The following ZFHX3 variants were observed in gnomAD, a reference collection of about 807,000 sequenced individuals.
ZFHX3 encodes the protein zinc finger homeobox protein 3.
ZFHX3 carries 42 observed loss-of-function variants against 279.1 expected under a neutral mutation model. That is an observed-to-expected ratio of 0.15 (90% CI 0.12 to 0.19). The LOEUF (loss-of-function observed/expected upper bound fraction) is 0.19. Ranked by LOEUF, ZFHX3 falls within the 10% of genes least tolerant of loss-of-function variation. The pLI is 1.00. For missense variants in ZFHX3, 4,981 were observed against 4,754.0 expected (o/e 1.05, Z -1.40); for synonymous variants, 2,293 against 1,957.8 (o/e 1.17, Z -4.52).
chr16:73,115,109 G>A (rs1966416407), intron 7 of ZFHX3, among the ~76,000 whole-genome samples: 1 of 152,090 alleles, frequency 6.6e-6, no homozygotes, highest in Non-Finnish European at 1.5e-5. Flanking sequence ...TGAAGTTCAG[G>A]ACCAACTGCC....
intron 4 of ZFHX3, among the ~76,000 whole-genome samples, chr16:73,289,302 G>A (rs1024524819): frequency 6.6e-6 from 1 of 152,000 alleles, no homozygotes; most frequent in African/African-American, 2.4e-5. Context: ...ATATGTGTGT[G>A]TTCCTGCTCC....
At chr16:73,513,313 A>G (rs892818949) in intron 2 of ZFHX3, among the ~76,000 whole-genome samples, 2 of 152,172 alleles carry the variant, frequency 1.3e-5, no homozygotes, top group Non-Finnish European at 2.9e-5. Context: ...GCAAACCTAT[A>G]TATCATCATA....
At chr16:73,058,207 C>G (rs1051417251) in intron 1 of ZFHX3, among the ~76,000 whole-genome samples, 2 of 144,340 alleles carry the variant, frequency 1.4e-5, no homozygotes, top group Non-Finnish European at 3.1e-5. Context: ...GCGGCGGCGG[C>G]GCGGGGCCGG....
intron 3 of ZFHX3, among the ~76,000 whole-genome samples, chr16:72,893,132 T>C (rs62053186): frequency 0.029 from 4,403 of 152,290 alleles, 89 homozygotes; most frequent in Non-Finnish European, 0.044. Context: ...ACCAAAAGAA[T>C]GATATTCATT....
chr16:73,204,753 G>A (rs1340481086), intron 5 of ZFHX3, among the ~76,000 whole-genome samples: 1 of 152,192 alleles, frequency 6.6e-6, no homozygotes, highest in African/African-American at 2.4e-5. Context: ...AGCATAAATA[G>A]CCTAGCACAA....
intron 2 of ZFHX3, among the ~76,000 whole-genome samples, chr16:73,627,112 T>C (rs2052424102): frequency 6.6e-6 from 1 of 152,216 alleles, no homozygotes; most frequent in Admixed American, 6.5e-5. Flanking sequence ...TTTTTCCTAT[T>C]ATCTTCCAAG....
chr16:73,415,948 C>A (rs2017564908), intron 3 of ZFHX3, among the ~76,000 whole-genome samples: 1 of 151,888 alleles, frequency 6.6e-6, no homozygotes, highest in Non-Finnish European at 1.5e-5. Context: ...GGTGAAACCC[C>A]ATCTCTACTA....
intron 1 of ZFHX3, among the ~76,000 whole-genome samples, chr16:72,973,141 T>A (rs948362530): frequency 2.0e-5 from 3 of 152,208 alleles, no homozygotes; most frequent in Non-Finnish European, 4.4e-5. Context: ...TGTACATGCC[T>A]AGTGTCCCAC....
At chr16:72,876,821 G>A (rs1299615197) in intron 4 of ZFHX3, among the ~76,000 whole-genome samples, 3 of 152,046 alleles carry the variant, frequency 2.0e-5, no homozygotes, top group Admixed American at 2.0e-4. Context: ...CCTCACACAC[G>A]GCAGCCAGGT....
chr16:72,988,111 C>G (rs189107450), intron 1 of ZFHX3, among the ~76,000 whole-genome samples: 4 of 152,302 alleles, frequency 2.6e-5, no homozygotes, highest in Middle Eastern at 3.4e-3. Context: ...CTTGGAAACC[C>G]GCCCAACAGG....
chr16:72,935,226 G>C (rs1960053935), intron 3 of ZFHX3, among the ~76,000 whole-genome samples: 1 of 152,164 alleles, frequency 6.6e-6, no homozygotes, highest in African/African-American at 2.4e-5. Context: ...GGGACAGGAG[G>C]AGAGAAGCAG....
intron 4 of ZFHX3, among the ~76,000 whole-genome samples, chr16:73,293,465 T>C (rs1447574488): frequency 6.6e-6 from 1 of 152,328 alleles, no homozygotes; most frequent in East Asian, 1.9e-4. Flanking sequence ...ACTTTCAAGA[T>C]TTTGGTGCCT....
intron 2 of ZFHX3, among the ~76,000 whole-genome samples, chr16:73,636,891 G>A (rs184874067): frequency 2.4e-4 from 37 of 152,056 alleles, no homozygotes; most frequent in African/African-American, 8.7e-4. Context: ...ATTTGGGCTA[G>A]GGGTAGAATT....
chr16:73,148,372 T>C (rs1365117846), intron 5 of ZFHX3, among the ~76,000 whole-genome samples: 1 of 152,204 alleles, frequency 6.6e-6, no homozygotes, highest in Non-Finnish European at 1.5e-5. Context: ...AACTCTTCCT[T>C]GTTTGGCAGA....
intron 6 of ZFHX3, among the ~76,000 whole-genome samples, chr16:73,131,632 G>T (rs774673917): frequency 2.0e-5 from 3 of 152,150 alleles, no homozygotes; most frequent in Non-Finnish European, 4.4e-5. Context: ...AGGAGAGGGC[G>T]AAAGCATCAA....
intron 1 of ZFHX3, among the ~76,000 whole-genome samples, chr16:73,857,314 T>G (rs1010269795): frequency 1.3e-5 from 2 of 152,208 alleles, no homozygotes; most frequent in Non-Finnish European, 2.9e-5. Context: ...TATTACAGTT[T>G]GGAGAATAAA....
intron 7 of ZFHX3, among the ~76,000 whole-genome samples, chr16:73,106,697 G>C (rs902771975): frequency 6.6e-6 from 1 of 152,192 alleles, no homozygotes; most frequent in Non-Finnish European, 1.5e-5. Flanking sequence ...ATGTGACTTT[G>C]TCTCCAAGTT....
At chr16:73,362,367 C>A (rs2016447640) in intron 3 of ZFHX3, among the ~76,000 whole-genome samples, 1 of 152,186 alleles carries the variant, frequency 6.6e-6, no homozygotes, top group Admixed American at 6.5e-5. Context: ...GCTTGACCAC[C>A]CATGGGATGG....
intron 7 of ZFHX3, among the ~76,000 whole-genome samples, chr16:73,110,596 T>C (rs1966361099): frequency 6.6e-6 from 1 of 152,192 alleles, no homozygotes; most frequent in Admixed American, 6.5e-5. Context: ...GGAGACAGGG[T>C]CTTGCTCTGT....
Sources: allele counts gnomAD v4.1 joint callset (sites outside exome capture counted in the v4.1 genomes callset), GRCh38; gene constraint gnomAD v4.1.1; transcripts MANE v1.5; gene names NCBI Gene and HGNC (gene_info 2026-07-23, HGNC 2026-07-21).